The following MED14 variants were observed in gnomAD, a reference collection of about 807,000 sequenced individuals.
MED14 encodes the protein mediator of RNA polymerase II transcription subunit 14.
In MED14, 8 loss-of-function variants were observed where a neutral mutation model predicts 109.0. The ratio of observed to expected loss-of-function variants is 0.07; its 90% CI spans 0.04 to 0.13. The LOEUF is 0.13. Among genes scored for constraint, MED14 ranks in the 10% least tolerant of loss-of-function variants. The pLI, the probability that MED14 is intolerant of heterozygous loss-of-function variation, is 1.00. For missense variants in MED14, 711 were observed against 1,142.4 expected (o/e 0.62, Z 5.44); for synonymous variants, 399 against 408.7 (o/e 0.98, Z 0.29).
chrX:40,731,535 GAACA>G (rs932293142), intron 1 of MED14, among the ~76,000 whole-genome samples: 1 of 111,606 alleles, frequency 9.0e-6, no homozygotes, highest in African/African-American at 3.3e-5. Context: ...TGTGTATCAA[GAACA>G]AAAATAACTT....
rs745421475 is a variant in MED14 at position 40,655,007 on chromosome X, G to A, written c.4026C>T (p.Ile1342=). ...GTGCAATCGGCGGCGCGCTGGGAGGGATCGTCAGGCAAAACTGAACATTCC... is the reference window on the plus strand; with the variant it reads ...GTGCAATCGGCGGCGCGCTGGGAGGAATCGTCAGGCAAAACTGAACATTCC... ...LKWNVQFCLT[I]PPSAPPIAPP... is the part of the protein sequence containing the mutation. The change falls in exon 29 of 31, where the codon ATC becomes ATT. Residue 1342 remains isoleucine, a synonymous_variant. Coordinates refer to ENST00000324817, the MANE Select transcript of MED14 (RefSeq NM_004229.4). The A allele has an allele frequency of 2.5e-6, 3 of 1,208,887 alleles. No individual in the cohort carries two copies. The Admixed American group carries it at 6.6e-5, about 26-fold the overall frequency.
intron 16 of MED14, among the ~76,000 whole-genome samples, chrX:40,688,080 C>T (rs776069490): frequency 5.4e-5 from 6 of 110,736 alleles, no homozygotes; most frequent in African/African-American, 2.0e-4. Flanking sequence ...AGCTGGGCGT[C>T]GTGGTGTGTG....
Position 40,651,400 on chromosome X carries a change from C to T in MED14, c.*406G>A, listed in dbSNP as rs1928866512. Reference sequence around the variant, plus strand: ...AATACAGCTTCAATATAAAGTTTATCACAGTTTTACAGTATTCAAAAATGA... The same window carrying T: ...AATACAGCTTCAATATAAAGTTTATTACAGTTTTACAGTATTCAAAAATGA... On this transcript the variant is annotated 3_prime_UTR_variant, in exon 31 of 31. Coordinates refer to ENST00000324817, the MANE Select transcript of MED14 (RefSeq NM_004229.4). 2 of 754,686 alleles carry T rather than the reference C, an allele frequency of 2.7e-6. No individual in the cohort carries two copies. Among genetic ancestry groups the T allele is most frequent in the African/African-American group, 2.3e-5 (1 of 43,218 alleles). The allele number at this position is 754,686 out of a possible 1,213,427, so 62.2% of individuals were successfully genotyped here. A position where few individuals can be genotyped will look rare whatever the true frequency, so the allele number is the denominator to read the frequency against.
intron 2 of MED14, among the ~76,000 whole-genome samples, chrX:40,727,500 G>T (rs1438191728): frequency 9.0e-6 from 1 of 111,481 alleles, no homozygotes; most frequent in East Asian, 2.8e-4. Flanking sequence ...TCCATATCTA[G>T]TTTTATCCTA....
intron 21 of MED14, among the ~76,000 whole-genome samples, chrX:40,676,166 T>A (rs1929902287): frequency 9.0e-6 from 1 of 111,402 alleles, no homozygotes; most frequent in African/African-American, 3.3e-5. Context: ...CACCTGTGGA[T>A]CCAGCTACTA....
At chrX:40,681,270 C>A (rs762134679) in intron 19 of MED14, among the ~76,000 whole-genome samples, 1 of 111,712 alleles carries the variant, frequency 9.0e-6, no homozygotes, top group Non-Finnish European at 1.9e-5. Context: ...AGGGGAAGGG[C>A]GCCACTCTGG....
In MED14 at chrX:40,696,386, C is replaced by T. The variant is rs759560555; in HGVS notation, c.1650+638G>A. ...CAATCTCCTGACCTCGTGATCCACC[C>T]GCCTCAGCCTCCCAAGTGCTAGGAT... On this transcript the variant is annotated intron_variant, in intron 13 of 30. Coordinates refer to ENST00000324817, the MANE Select transcript of MED14 (RefSeq NM_004229.4). Among the ~76,000 whole-genome samples, 21 of 109,919 alleles carry T rather than the reference C, an allele frequency of 1.9e-4. No individual in the cohort carries two copies. The South Asian group carries it at 6.3e-3, about 33-fold the overall frequency.
At chrX:40,712,354 A>G (rs1238226324) in intron 6 of MED14, 61 bp from the exon 7 acceptor site, 2 of 755,247 alleles carry the variant, frequency 2.6e-6, no homozygotes, top group Admixed American at 5.9e-5. Flanking sequence ...GTGTCACTAT[A>G]CCAACTAAGG....
In MED14 at chrX:40,687,152, C is replaced by T. The variant is rs759401446; in HGVS notation, c.2057+1302G>A. 6.3e-5 allele frequency among the ~76,000 whole-genome samples: 7 copies of T among 111,779 alleles called. No individual in the cohort carries two copies. The South Asian group carries it at 1.1e-3, about 18-fold the overall frequency. ...TCAGGCACCTTAAACTTAGCAAAGT[C>T]CATTCAAACTCACATCTTTGGTGTC... On this transcript the variant is annotated intron_variant, in intron 16 of 30. Coordinates refer to ENST00000324817, the MANE Select transcript of MED14 (RefSeq NM_004229.4).
intron 12 of MED14, among the ~76,000 whole-genome samples, chrX:40,699,342 G>A (rs1930837343): frequency 8.9e-6 from 1 of 112,024 alleles, no homozygotes; most frequent in African/African-American, 3.2e-5. Context: ...GCAAAAGTCA[G>A]TAAATTTACT....
chrX:40,735,679 C>T (rs1248471129), upstream of MED14: 1 of 478,958 alleles, frequency 2.1e-6, no homozygotes, highest in Non-Finnish European at 3.8e-6. Flanking sequence ...GCTGCGCCTC[C>T]GCAAACGCTC....
intron 12 of MED14, among the ~76,000 whole-genome samples, chrX:40,698,592 C>T (rs1230771248): frequency 1.8e-5 from 2 of 112,154 alleles, no homozygotes; most frequent in African/African-American, 6.5e-5. Context: ...TATACATGTT[C>T]TTTCATTTCT....
chrX:40,651,721 C>A lies in MED14; in HGVS notation c.*85G>T. The A allele has an allele frequency of 9.2e-7, 1 of 1,088,962 alleles. No homozygotes were observed. Among genetic ancestry groups the A allele is most frequent in the South Asian group, 2.5e-5 (1 of 40,095 alleles). 89.7% of individuals were successfully genotyped at this position (1,088,962 alleles called of 1,213,427 possible). On this transcript the variant is annotated 3_prime_UTR_variant, in exon 31 of 31. Coordinates refer to ENST00000324817, the MANE Select transcript of MED14 (RefSeq NM_004229.4). The stretch of plus-strand genomic sequence containing the variant: ...GCTCTTAAAGTTTAAAAAAAAAGTC[C>A]TTTTCCTTTTTTAAACTGAAGGCTG...
chrX:40,690,969 C>G (rs751207844), intron 15 of MED14, among the ~76,000 whole-genome samples: 19 of 112,261 alleles, frequency 1.7e-4, no homozygotes, highest in Non-Finnish European at 3.4e-4. Flanking sequence ...TGAAAAAGTC[C>G]ATTTTCACAT....
intron 1 of MED14, among the ~76,000 whole-genome samples, chrX:40,732,766 T>A (rs980084390): frequency 2.7e-5 from 3 of 110,832 alleles, no homozygotes; most frequent in African/African-American, 9.9e-5. Flanking sequence ...GGCAACAGAG[T>A]GAGACCCTGT....
At chrX:40,730,240 G>GTTA (rs1424153407) in intron 1 of MED14, among the ~76,000 whole-genome samples, 19 of 112,386 alleles carry the variant, frequency 1.7e-4, no homozygotes, top group Non-Finnish European at 5.6e-5. Context: ...CTGGCTTATA[G>GTTA]TTACCTCCTA....
chrX:40,675,154 T>C, intron 22 of MED14, 67 bp downstream of exon 22: 6 of 1,011,479 alleles, frequency 5.9e-6, no homozygotes, highest in Non-Finnish European at 7.8e-6. Flanking sequence ...CAATGAAGTC[T>C]TGACACCTAT....
intron 8 of MED14, 58 bp from the exon 9 acceptor site, chrX:40,710,187 T>A: frequency 1.2e-6 from 1 of 823,063 alleles, no homozygotes. Flanking sequence ...ACTTCTAGAA[T>A]AAAATAGAGA....
chrX:40,691,487 A>G (rs1336062974), intron 15 of MED14, among the ~76,000 whole-genome samples: 13 of 110,700 alleles, frequency 1.2e-4, no homozygotes, highest in African/African-American at 3.6e-4. Flanking sequence ...AGGTCTTGCT[A>G]TGTTGCCCAG....
Sources: gnomAD v4.1 joint callset for allele counts (sites outside exome capture counted in the v4.1 genomes callset) on GRCh38, gnomAD v4.1.1 for gene constraint, MANE v1.5 for transcripts, NCBI Gene and HGNC (gene_info 2026-07-23, HGNC 2026-07-21) for gene names.